The following DPF3 variants were observed in gnomAD, a reference collection of about 807,000 sequenced individuals.
DPF3 encodes double PHD fingers 3, also known as zinc finger protein DPF3.
In DPF3, 18 loss-of-function variants were observed where a neutral mutation model predicts 56.8. The observed-to-expected ratio is 0.32, with a 90% CI of 0.22 to 0.47. DPF3 has a LOEUF of 0.47. DPF3 is among the 20% of genes least tolerant of loss of function. The pLI, the probability that DPF3 is intolerant of heterozygous loss-of-function variation, is 1.00. For missense variants in DPF3, 403 were observed against 488.8 expected, an observed-to-expected ratio of 0.82 and a Z score of 1.65; for synonymous variants, 188 against 180.2, an observed-to-expected ratio of 1.04 and a Z score of -0.35.
intron 1 of DPF3, among the ~76,000 whole-genome samples, chr14:72,893,370 C>T (rs1475774057): frequency 6.6e-6 from 1 of 152,164 alleles, no homozygotes; most frequent in African/African-American, 2.4e-5. Flanking sequence ...CACGAGCAGA[C>T]ACACGCTCGA....
intron 1 of DPF3, among the ~76,000 whole-genome samples, chr14:72,856,447 G>T (rs775813321): frequency 5.9e-5 from 9 of 152,128 alleles, no homozygotes; most frequent in Non-Finnish European, 1.3e-4. Context: ...AGGAAGTGGG[G>T]TGCTGGTACT....
intron 1 of DPF3, among the ~76,000 whole-genome samples, chr14:72,872,252 C>A (rs953621846): frequency 2.0e-5 from 3 of 152,058 alleles, no homozygotes; most frequent in African/African-American, 7.2e-5. Flanking sequence ...CCTGGGCCTC[C>A]AGGCCTGTGA....
intron 1 of DPF3, among the ~76,000 whole-genome samples, chr14:72,869,346 T>C (rs1885802626): frequency 6.6e-6 from 1 of 152,168 alleles, no homozygotes; most frequent in South Asian, 2.1e-4. Context: ...TCTGTGTTGG[T>C]TTGGCTCACC....
intron 5 of DPF3, among the ~76,000 whole-genome samples, chr14:72,720,828 T>C (rs1038331900): frequency 4.6e-5 from 7 of 152,076 alleles, no homozygotes; most frequent in Non-Finnish European, 1.0e-4. Context: ...TTCTGACCAA[T>C]AGAAATACAA....
intron 8 of DPF3, among the ~76,000 whole-genome samples, chr14:72,637,256 T>C (rs72728550): frequency 0.077 from 11,790 of 152,302 alleles, 565 homozygotes; most frequent in Non-Finnish European, 0.1. Flanking sequence ...CACCTGTCTA[T>C]AAGCCTGAGG....
chr14:72,861,775 G>GAAAGAAAGAAAT (rs1885437124), intron 1 of DPF3, among the ~76,000 whole-genome samples: 1 of 147,662 alleles, frequency 6.8e-6, no homozygotes, highest in Non-Finnish European at 1.5e-5. Context: ...AAGAAAGAAA[G>GAAAGAAAGAAAT]AAAGAAAGAA....
intron 9 of DPF3, among the ~76,000 whole-genome samples, chr14:72,624,277 C>T (rs1884663090): frequency 6.7e-6 from 1 of 150,266 alleles, no homozygotes; most frequent in Non-Finnish European, 1.5e-5. Context: ...TGGTGTAATA[C>T]TGTTAACTAA....
rs532689922 is a variant in DPF3, at chr14:72,762,583, G to A, written c.193+9150C>T. 4.6e-5 allele frequency among the ~76,000 whole-genome samples: 7 copies of A among 151,020 alleles called. No homozygotes were observed. The South Asian group carries it at 1.5e-3, about 31-fold the overall frequency. On this transcript the variant is annotated intron_variant, in intron 2 of 10. Transcript: ENST00000556509. ...AAAACTCTCAAACTAGAAATAGAAG[G>A]GAGCATCCTCAATCTGATAAAGAAT...
rs1460442238 is a variant in DPF3 at position 72,614,770 on chromosome 14, A to G, written c.*4527T>C. Among the ~76,000 whole-genome samples, 4 of 150,058 alleles carry G rather than the reference A, an allele frequency of 2.7e-5. No homozygotes were observed. On this transcript the variant is annotated 3_prime_UTR_variant, in exon 11 of 11. Coordinates refer to ENST00000556509, the MANE Select transcript of DPF3 (RefSeq NM_001280542.3). ...TAATAATCTGTTGCCCAGGATCACA[A>G]GCCTCAGAAAAAAAAAAAAGAGTTA...
intron 1 of DPF3, among the ~76,000 whole-genome samples, chr14:72,844,937 T>C (rs535357477): frequency 2.6e-5 from 4 of 152,112 alleles, no homozygotes; most frequent in African/African-American, 9.7e-5. Context: ...CTGGGCAACA[T>C]AGTGAGTCCC....
At chr14:72,766,200 TAAC>T (rs1013568527) in intron 2 of DPF3, among the ~76,000 whole-genome samples, 3 of 152,222 alleles carry the variant, frequency 2.0e-5, no homozygotes, top group Admixed American at 2.0e-4. Context: ...ACTTTTTTAA[TAAC>T]AAGGCAATCT....
At chr14:72,685,704 T>C (rs1206836170) in intron 7 of DPF3, among the ~76,000 whole-genome samples, 2 of 152,248 alleles carry the variant, frequency 1.3e-5, no homozygotes, top group Admixed American at 6.5e-5. Context: ...ATGAGATACA[T>C]GTGGCATGCT....
intron 1 of DPF3, 137 bp from the exon 2 acceptor site, chr14:72,772,030 C>T (rs1891554846): frequency 1.0e-6 from 1 of 970,486 alleles, no homozygotes; most frequent in Non-Finnish European, 1.4e-6. Flanking sequence ...CAATGAGCAC[C>T]AAGAGCCTTG....
At chr14:72,671,636 G>C (rs983987145) in intron 8 of DPF3, among the ~76,000 whole-genome samples, 6 of 152,200 alleles carry the variant, frequency 3.9e-5, no homozygotes. Flanking sequence ...CATACACACA[G>C]GCGCTTGCAC....
At chr14:72,731,991 G>C (rs759096002) in intron 3 of DPF3, 57 bp from the exon 4 acceptor site, 3 of 1,546,532 alleles carry the variant, frequency 1.9e-6, no homozygotes, top group Non-Finnish European at 2.6e-6. Flanking sequence ...AGGGCAGGAG[G>C]GACAGTCCTG....
chr14:72,643,605 C>A (rs1207063407), intron 8 of DPF3, among the ~76,000 whole-genome samples: 1 of 152,216 alleles, frequency 6.6e-6, no homozygotes, highest in Non-Finnish European at 1.5e-5. Context: ...GGGTCATGCC[C>A]CCCGCCACCT....
intron 6 of DPF3, among the ~76,000 whole-genome samples, chr14:72,711,696 T>C (rs1170609800): frequency 1.3e-5 from 2 of 152,098 alleles, no homozygotes; most frequent in Non-Finnish European, 2.9e-5. Flanking sequence ...AAAGCCCTAA[T>C]GTGCCTATTC....
intron 1 of DPF3, among the ~76,000 whole-genome samples, chr14:72,790,117 T>C (rs1237941892): frequency 6.6e-6 from 1 of 152,072 alleles, no homozygotes; most frequent in Non-Finnish European, 1.5e-5. Context: ...CCAGGCACAA[T>C]GGCTCATGCC....
intron 8 of DPF3, among the ~76,000 whole-genome samples, chr14:72,665,714 G>C (rs930140003): frequency 6.6e-6 from 1 of 152,192 alleles, no homozygotes; most frequent in South Asian, 2.1e-4. Flanking sequence ...CTGGATCCTG[G>C]ACCAGAAAAA....
Sources: gnomAD v4.1 joint callset for allele counts (sites outside exome capture counted in the v4.1 genomes callset) on GRCh38, gnomAD v4.1.1 for gene constraint, MANE v1.5 for transcripts, NCBI Gene and HGNC (gene_info 2026-07-23, HGNC 2026-07-21) for gene names.